AKAP1: variants seen among roughly 807,000 people sequenced by gnomAD.
AKAP1 encodes the protein A-kinase anchor protein 1, mitochondrial.
In AKAP1, 32 loss-of-function variants were observed where a neutral mutation model predicts 79.8. The ratio of observed to expected loss-of-function variants is 0.40; its 90% CI spans 0.30 to 0.54. AKAP1 has a LOEUF of 0.54. Among genes scored for constraint, AKAP1 ranks in the 20% least tolerant of loss-of-function variants. AKAP1 has a pLI of 0.47. For synonymous variants in AKAP1, 416 were observed against 466.7 expected, an observed-to-expected ratio of 0.89 and a Z score of 1.40; for missense variants, 961 against 1,138.9, an observed-to-expected ratio of 0.84 and a Z score of 2.25.
chr17:57,114,245 G>T (rs768022996), intron 5 of AKAP1, among the ~76,000 whole-genome samples: 21 of 152,170 alleles, frequency 1.4e-4, no homozygotes, highest in Non-Finnish European at 2.8e-4. Context: ...CCTAATGGCT[G>T]CTCGTGGTAT....
At position 57,106,873 on chromosome 17, in the gene AKAP1, C is replaced by A; in HGVS notation, c.1409C>A (p.Pro470His). The change falls in exon 2 of 11, where the codon CCC (proline) becomes CAC (histidine). Residue 470 changes from proline to histidine, a missense_variant. This residue lies in a region of AKAP1 where 629 missense variants were observed against 781.1 expected (regional missense o/e 0.81). Transcript: ENST00000337714. ...SLASCLALTT[P>H]SEELPDRAGI... ...GCCTCCTGCCTGGCACTGACCACCC[C>A]CAGTGAAGAGTTGCCGGACCGGGCA... is the stretch of plus-strand genomic sequence containing the variant. The A allele has an allele frequency of 6.2e-7, 1 of 1,613,950 alleles. No homozygotes were observed. The highest frequency in any genetic ancestry group is 8.5e-7 in the Non-Finnish European group (1 of 1,179,786).
chr17:57,089,585 T>C (rs1453249831), intron 1 of AKAP1, among the ~76,000 whole-genome samples: 1 of 152,248 alleles, frequency 6.6e-6, no homozygotes, highest in Admixed American at 6.5e-5. Context: ...GAAGAAAGTT[T>C]TGTTGGACAG....
intron 1 of AKAP1, among the ~76,000 whole-genome samples, chr17:57,089,544 TC>T (rs1226389721): frequency 2.4e-4 from 37 of 152,174 alleles, no homozygotes; most frequent in Admixed American, 2.4e-3. Flanking sequence ...GCCGTCCTGG[TC>T]AGTACAGGTC....
intron 5 of AKAP1, among the ~76,000 whole-genome samples, chr17:57,114,123 G>T (rs1297122391): frequency 6.6e-6 from 1 of 152,180 alleles, no homozygotes; most frequent in Non-Finnish European, 1.5e-5. Context: ...GGCACTGCTG[G>T]TAGGTGGACC....
intron 1 of AKAP1, among the ~76,000 whole-genome samples, chr17:57,091,756 A>G (rs1913799368): frequency 6.6e-6 from 1 of 152,152 alleles, no homozygotes; most frequent in South Asian, 2.1e-4. Flanking sequence ...TGGCTCGATC[A>G]TAGCTCACTG....
chr17:57,120,512 G>C lies in AKAP1; in HGVS notation c.*188G>C, dbSNP rs1322073999. 2.0e-6 allele frequency: 1 copy of C among 498,802 alleles called. No individual in the cohort carries two copies. 30.9% of individuals were successfully genotyped at this position (498,802 alleles called of 1,614,324 possible). ...AAGGATGGAACTATGGGTTCTCTTC[G>C]CAAAGCCAAAGGATAGTGTTTAACA... On this transcript the variant is annotated 3_prime_UTR_variant, in exon 11 of 11. Transcript: ENST00000337714.
intron 1 of AKAP1, among the ~76,000 whole-genome samples, chr17:57,091,873 G>T (rs77880149): frequency 0.032 from 4,874 of 151,824 alleles, 107 homozygotes; most frequent in Middle Eastern, 0.13. Context: ...AATTTTTTTT[G>T]TAGTGATGGG....
In AKAP1 at chr17:57,106,480, A is replaced by G; in HGVS notation, c.1016A>G (p.Asp339Gly). ...ESLDRNEEGL[D>G]RNEEIKRAAF... ...TTGGATAGAAATGAGGAGGGCTTGG[A>G]TAGAAATGAGGAGATTAAGCGGGCT... The change falls in exon 2 of 11, where the codon GAT (aspartate) becomes GGT (glycine). Residue 339 changes from aspartate to glycine, a missense_variant. By Grantham distance (94) the Asp-to-Gly change is moderately conservative (BLOSUM62 -1). This residue lies in a region of AKAP1 where 629 missense variants were observed against 781.1 expected (regional missense o/e 0.81). Transcript: ENST00000337714. 6.2e-7 allele frequency: 1 copy of G among 1,612,552 alleles called. No individual in the cohort carries two copies. The highest frequency in any genetic ancestry group is 8.5e-7 in the Non-Finnish European group (1 of 1,179,928).
intron 5 of AKAP1, 93 bp from the exon 6 acceptor site, chr17:57,114,366 C>A: frequency 6.8e-7 from 1 of 1,478,552 alleles, no homozygotes; most frequent in Non-Finnish European, 9.2e-7. Context: ...CAAAGATATG[C>A]TAGCCCAGAG....
Position 57,089,972 on chromosome 17 carries a change from G to C in AKAP1, c.-25+4574G>C, listed in dbSNP as rs1310887170. Among the ~76,000 whole-genome samples the C allele has an allele frequency of 5.9e-5, 9 of 152,314 alleles. No homozygotes were observed. In the East Asian group the frequency reaches 1.7e-3, roughly 29 times the overall value. ...GTCAGATGTCAACATATTGTTACTT[G>C]GTCCTTCACCCACCTGATGACTTCC... On this transcript the variant is annotated intron_variant, in intron 1 of 10. Coordinates refer to ENST00000337714, the MANE Select transcript of AKAP1 (RefSeq NM_003488.4).
At chr17:57,109,091 A>C (rs1197254975) in intron 2 of AKAP1, among the ~76,000 whole-genome samples, 1 of 152,186 alleles carries the variant, frequency 6.6e-6, no homozygotes, top group African/African-American at 2.4e-5. Flanking sequence ...CATCCAGTGT[A>C]TGGGTTACTT....
rs745738132 is a variant in AKAP1, at chr17:57,095,464, CTTTTTTTTTTT to C, written c.-24-9966_-24-9956del. The C allele has an allele frequency of 2.6e-5, 3 of 117,562 alleles. No individual in the cohort carries two copies. The East Asian group carries it at 7.4e-4, about 29-fold the overall frequency. 7.3% of individuals were successfully genotyped at this position (117,562 alleles called of 1,614,324 possible). A position where few individuals can be genotyped will look rare whatever the true frequency, so the allele number is the denominator to read the frequency against. ...GAGCTACCGTGGTGGCCTGTTTGGG[CTTTTTTTTTTT>C]TTTTTTTTTTCTTCTGCCCTCCACT... is the stretch of plus-strand genomic sequence containing the variant. On this transcript the variant is annotated intron_variant, in intron 1 of 10. Coordinates refer to ENST00000337714, the MANE Select transcript of AKAP1 (RefSeq NM_003488.4).
chr17:57,101,158 C>A (rs1914482740), intron 1 of AKAP1, among the ~76,000 whole-genome samples: 1 of 152,196 alleles, frequency 6.6e-6, no homozygotes, highest in Admixed American at 6.5e-5. Flanking sequence ...GCAAATCTCC[C>A]ATCATTACCA....
At chr17:57,115,216 T>C (rs4794700) in intron 6 of AKAP1, among the ~76,000 whole-genome samples, 5,160 of 152,314 alleles carry the variant, frequency 0.034, 194 homozygotes, top group Admixed American at 0.12. Flanking sequence ...GGATGGAATG[T>C]CAGAACATCA....
rs763961769 is a variant in AKAP1 at position 57,119,000 on chromosome 17, A to T, written c.2593A>T (p.Thr865Ser). Residue 865 changes from threonine (T) to serine (S), a missense_variant, in exon 10 of 11, where the codon ACT becomes TCT. Thr to Ser is a moderately conservative substitution (Grantham distance 58). Coordinates refer to ENST00000337714, the MANE Select transcript of AKAP1 (RefSeq NM_003488.4). Reference protein sequence around the residue: ...LLAQVTSYSPTGLPLIQLWSV... With the variant: ...LLAQVTSYSPSGLPLIQLWSV... ...TCTTCAGGTGACAAGTTACAGTCCA[A>T]CTGGTCTTCCTCTGATTCAGCTGTG... 2 of 1,613,686 alleles carry T rather than the reference A, an allele frequency of 1.2e-6. No homozygotes were observed. Among genetic ancestry groups the T allele is most frequent in the Admixed American group, 3.3e-5 (2 of 60,024 alleles).
intron 1 of AKAP1, among the ~76,000 whole-genome samples, chr17:57,087,867 G>C (rs1913556660): frequency 6.6e-6 from 1 of 152,324 alleles, no homozygotes; most frequent in East Asian, 1.9e-4. Flanking sequence ...TGTAGCCAAT[G>C]TACCCAGAGA....
chr17:57,086,331 T>C lies in AKAP1; in HGVS notation c.-25+933T>C. ...GAACGCGGGCTTTCTGGCGTTCAAC[T>C]CTTTTGTGCCCTAGCTGAAGGTCTT... On this transcript the variant is annotated intron_variant, in intron 1 of 10. Transcript: ENST00000337714. The surrounding 1 kb of genome is among the most constrained non-coding windows in gnomAD (Gnocchi z 5.1). 2.3e-6 allele frequency: 1 copy of C among 427,878 alleles called. No homozygotes were observed. Among genetic ancestry groups the C allele is most frequent in the Non-Finnish European group, 4.7e-6 (1 of 214,862 alleles). The allele number at this position is 427,878 out of a possible 1,614,324, so 26.5% of individuals were successfully genotyped here. A position where few individuals can be genotyped will look rare whatever the true frequency, so the allele number is the denominator to read the frequency against.
In AKAP1 at chr17:57,103,124, A is replaced by G. The variant is rs576819799; in HGVS notation, c.-24-2317A>G. On this transcript the variant is annotated intron_variant, in intron 1 of 10. Coordinates refer to ENST00000337714, the MANE Select transcript of AKAP1 (RefSeq NM_003488.4). ...TTTGAATGTGAAGCAAAACGGTAGC[A>G]CTAAATTTCTTCCCTGAGGAATTGA... Among the ~76,000 whole-genome samples, 409 of 152,340 alleles carry G rather than the reference A, an allele frequency of 2.7e-3. 4 individuals are homozygous for G. Among genetic ancestry groups the G allele is most frequent in the Non-Finnish European group, 4.7e-3 (319 of 68,024 alleles).
chr17:57,113,089 G>T (rs868549534), intron 5 of AKAP1, among the ~76,000 whole-genome samples: 3 of 152,164 alleles, frequency 2.0e-5, no homozygotes, highest in Non-Finnish European at 4.4e-5. Context: ...CCCAGGAGGT[G>T]CCTAAATTAC....
Sources: allele counts gnomAD v4.1 joint callset (sites outside exome capture counted in the v4.1 genomes callset), GRCh38; gene constraint gnomAD v4.1.1; regional missense constraint gnomAD v4.1.1; non-coding constraint Gnocchi (gnomAD v3.1); transcripts MANE v1.5; gene names NCBI Gene and HGNC (gene_info 2026-07-23, HGNC 2026-07-21).